Variants in ADAMTSL1 observed in about 807,000 individuals in gnomAD.
The protein encoded by ADAMTSL1 is ADAMTS-like protein 1.
A neutral mutation model predicts 201.8 loss-of-function variants in ADAMTSL1; 126 were observed. That is an observed-to-expected ratio of 0.62 (90% CI 0.54 to 0.72). ADAMTSL1 has a LOEUF of 0.72. ADAMTSL1 is among the 30% of genes least tolerant of loss of function. ADAMTSL1 has a pLI of 0.00. For missense variants in ADAMTSL1, 2,679 were observed against 2,277.8 expected, an observed-to-expected ratio of 1.18 and a Z score of -3.59; for synonymous variants, 1,121 against 903.4, an observed-to-expected ratio of 1.24 and a Z score of -4.32.
intron 1 of ADAMTSL1, among the ~76,000 whole-genome samples, chr9:18,022,541 T>A (rs1820521858): frequency 6.6e-6 from 1 of 151,260 alleles, no homozygotes; most frequent in African/African-American, 2.4e-5. Context: ...AAACGTAATG[T>A]TATTTTTTTT....
At chr9:18,865,868 A>T (rs1827498270) in intron 23 of ADAMTSL1, among the ~76,000 whole-genome samples, 2 of 152,098 alleles carry the variant, frequency 1.3e-5, no homozygotes, top group South Asian at 4.2e-4. Flanking sequence ...AGGAGACAGC[A>T]CTGTCACTGC....
intron 2 of ADAMTSL1, among the ~76,000 whole-genome samples, chr9:18,281,296 C>G (rs1437538147): frequency 6.6e-6 from 1 of 152,138 alleles, no homozygotes; most frequent in African/African-American, 2.4e-5. Flanking sequence ...TATATTTACA[C>G]TCACCAGACT....
chr9:18,332,299 T>C (rs1322696511), intron 2 of ADAMTSL1, among the ~76,000 whole-genome samples: 4 of 152,216 alleles, frequency 2.6e-5, no homozygotes, highest in Admixed American at 2.0e-4. Flanking sequence ...TTTATAATTT[T>C]ATATTTAGGG....
intron 28 of ADAMTSL1, 69 bp downstream of exon 28, chr9:18,906,981 G>C: frequency 6.4e-7 from 1 of 1,567,964 alleles, no homozygotes; most frequent in Non-Finnish European, 8.7e-7. Context: ...AGCAGTCCCT[G>C]GGACCGACCC....
intron 2 of ADAMTSL1, among the ~76,000 whole-genome samples, chr9:18,299,756 C>A (rs1833627149): frequency 6.6e-6 from 1 of 152,116 alleles, no homozygotes; most frequent in African/African-American, 2.4e-5. Flanking sequence ...GCCTGTGGAC[C>A]ACAGCTAGGC....
chr9:18,903,551 G>A (rs921950170), intron 26 of ADAMTSL1, among the ~76,000 whole-genome samples: 1 of 152,100 alleles, frequency 6.6e-6, no homozygotes, highest in African/African-American at 2.4e-5. Context: ...AATTTGTGGG[G>A]CCCAGTGCAA....
rs533741618 is a variant in ADAMTSL1 at position 18,892,581 on chromosome 9, C to T, written c.4836C>T (p.Phe1612=). 2 of 1,563,714 alleles carry T rather than the reference C, an allele frequency of 1.3e-6. No individual in the cohort carries two copies. The highest frequency in any genetic ancestry group is 1.4e-5 in the African/African-American group (1 of 73,800). Residue 1612 remains phenylalanine, a synonymous_variant, in exon 26 of 29, where the codon TTC becomes TTT. Transcript: ENST00000380548. ...AGCAGCTGTGTGTGGAGTGGGCCTT[C>T]TCCAGCTGGGGCCAGGTGAGGAGCC... ...CNQQLCVEWA[F]SSWGQCNGPC... is the part of the protein sequence containing the mutation.
At chr9:18,105,090 G>A (rs1005898571) in intron 1 of ADAMTSL1, among the ~76,000 whole-genome samples, 1 of 152,180 alleles carries the variant, frequency 6.6e-6, no homozygotes, top group Non-Finnish European at 1.5e-5. Flanking sequence ...CTGTGAGTCA[G>A]AGACTCAGTT....
intron 19 of ADAMTSL1, among the ~76,000 whole-genome samples, chr9:18,792,173 C>G (rs1822104631): frequency 6.6e-6 from 1 of 152,158 alleles, no homozygotes. Flanking sequence ...ACAATTTCCT[C>G]ATCCTCCCTC....
intron 1 of ADAMTSL1, among the ~76,000 whole-genome samples, chr9:18,100,283 A>G (rs1263676519): frequency 6.6e-6 from 1 of 151,908 alleles, no homozygotes; most frequent in African/African-American, 2.4e-5. Flanking sequence ...CGTTTACCCA[A>G]ACTGTTTTTG....
intron 19 of ADAMTSL1, among the ~76,000 whole-genome samples, chr9:18,779,875 C>A (rs999020877): frequency 6.6e-6 from 1 of 152,138 alleles, no homozygotes; most frequent in South Asian, 2.1e-4. Flanking sequence ...GTAGGTACAA[C>A]GTTTTATTTC....
At chr9:18,607,699 G>A (rs982274682) in intron 4 of ADAMTSL1, among the ~76,000 whole-genome samples, 4 of 151,870 alleles carry the variant, frequency 2.6e-5, no homozygotes, top group African/African-American at 9.7e-5. Context: ...TTAGCATTAG[G>A]TATATTTCCT....
At chr9:18,386,526 C>A (rs938763805) in intron 2 of ADAMTSL1, among the ~76,000 whole-genome samples, 6 of 152,070 alleles carry the variant, frequency 3.9e-5, no homozygotes, top group African/African-American at 1.4e-4. Flanking sequence ...TTGAGAATTT[C>A]TTTATTTAAT....
chr9:18,773,735 T>C (rs1017311199), intron 17 of ADAMTSL1, among the ~76,000 whole-genome samples: 1 of 152,234 alleles, frequency 6.6e-6, no homozygotes, highest in Admixed American at 6.5e-5. Flanking sequence ...GAGCTAGACT[T>C]GACCAAAGTC....
intron 19 of ADAMTSL1, among the ~76,000 whole-genome samples, chr9:18,792,584 T>A (rs78625407): frequency 0.019 from 2,955 of 152,332 alleles, 86 homozygotes; most frequent in African/African-American, 0.061. Context: ...ATAGTGATCT[T>A]CTGAGTTCCA....
intron 3 of ADAMTSL1, among the ~76,000 whole-genome samples, chr9:18,556,707 C>A (rs1253751429): frequency 6.6e-6 from 1 of 151,986 alleles, no homozygotes; most frequent in Non-Finnish European, 1.5e-5. Context: ...CACATTTGAA[C>A]AAAGTTGAAT....
intron 1 of ADAMTSL1, among the ~76,000 whole-genome samples, chr9:18,063,686 C>T (rs1358406410): frequency 6.6e-6 from 1 of 152,156 alleles, no homozygotes; most frequent in Non-Finnish European, 1.5e-5. Flanking sequence ...AGGAAGAGCT[C>T]CTGGATAGTT....
At chr9:18,622,888 GT>G (rs1371837941) in intron 5 of ADAMTSL1, among the ~76,000 whole-genome samples, 1 of 151,956 alleles carries the variant, frequency 6.6e-6, no homozygotes, top group East Asian at 1.9e-4. Context: ...TTGGTGTTTT[GT>G]TTTTGTTTGT....
chr9:18,518,260 G>T (rs1191888152), intron 2 of ADAMTSL1, among the ~76,000 whole-genome samples: 3 of 152,056 alleles, frequency 2.0e-5, no homozygotes, highest in African/African-American at 7.2e-5. Context: ...AATATTGAAC[G>T]TCGTACTCAA....
Sources: gnomAD v4.1 joint callset for allele counts (sites outside exome capture counted in the v4.1 genomes callset) on GRCh38, gnomAD v4.1.1 for gene constraint, MANE v1.5 for transcripts, NCBI Gene and HGNC (gene_info 2026-07-23, HGNC 2026-07-21) for gene names.